The following LRFN5 variants were observed in gnomAD, a reference collection of about 807,000 sequenced individuals.
LRFN5 encodes the protein leucine-rich repeat and fibronectin type-III domain-containing protein 5.
Under a neutral mutation model 45.6 loss-of-function variants are expected in LRFN5, and 24 were observed. The ratio of observed to expected loss-of-function variants is 0.53; its 90% CI spans 0.38 to 0.74. The LOEUF (loss-of-function observed/expected upper bound fraction) is 0.74, where lower values mean the gene tolerates loss of function less well. Among genes scored for constraint, LRFN5 ranks in the 30% least tolerant of loss-of-function variants. LRFN5 has a pLI of 0.00. For synonymous variants in LRFN5, 340 were observed against 313.8 expected (o/e 1.08, Z -0.88); for missense variants, 776 against 861.5 (o/e 0.90, Z 1.24).
intron 1 of LRFN5, among the ~76,000 whole-genome samples, chr14:41,678,677 C>T (rs1416063671): frequency 2.6e-5 from 4 of 152,030 alleles, no homozygotes; most frequent in Admixed American, 6.6e-5. Flanking sequence ...AAGAGGAAAG[C>T]GAGGCAGAGC....
intron 1 of LRFN5, among the ~76,000 whole-genome samples, chr14:41,725,550 AGTT>A (rs34722438): frequency 0.25 from 38,401 of 151,990 alleles, 5,285 homozygotes; most frequent in South Asian, 0.42. Context: ...TTAATTCCAT[AGTT>A]GTTGTACCAT....
At position 41,887,218 on chromosome 14, in the gene LRFN5, C is replaced by G. The variant is rs1246086357; in HGVS notation, c.593C>G (p.Thr198Ser). Residue 198 changes from threonine (T) to serine (S), a missense_variant, in exon 3 of 6, where the codon ACT becomes AGT. Physicochemically the swap from Thr to Ser is moderately conservative, Grantham distance 58. Around this residue, in one of 2 missense-constraint regions of LRFN5, gnomAD observed 311 missense variants for 405.1 expected, o/e 0.77. Coordinates refer to ENST00000298119, the MANE Select transcript of LRFN5 (RefSeq NM_152447.5). The surrounding 1 kb of genome is among the most constrained non-coding windows in gnomAD (Gnocchi z 4.8). The part of the protein sequence containing the change: ...KGTFSHLHKM[T>S]RLDVTSNKLQ... Reference sequence around the variant, plus strand: ...ACCTTCTCCCATTTGCACAAGATGACTCGGTTAGATGTGACATCAAATAAA... The same window carrying G: ...ACCTTCTCCCATTTGCACAAGATGAGTCGGTTAGATGTGACATCAAATAAA... The G allele has an allele frequency of 3.7e-6, 6 of 1,614,150 alleles. No homozygotes were observed. Among genetic ancestry groups the G allele is most frequent in the Non-Finnish European group, 4.2e-6 (5 of 1,180,026 alleles).
intron 1 of LRFN5, among the ~76,000 whole-genome samples, chr14:41,721,846 G>T (rs1372693002): frequency 6.6e-6 from 1 of 151,964 alleles, no homozygotes; most frequent in Non-Finnish European, 1.5e-5. Flanking sequence ...TATGTGTCTT[G>T]GTGATGTATA....
intron 1 of LRFN5, among the ~76,000 whole-genome samples, chr14:41,670,742 C>T (rs1413723414): frequency 6.6e-6 from 1 of 151,822 alleles, no homozygotes; most frequent in Non-Finnish European, 1.5e-5. Context: ...CCAAATAAGA[C>T]CCAGGAAAAT....
intron 1 of LRFN5, among the ~76,000 whole-genome samples, chr14:41,757,516 A>G (rs1885457366): frequency 1.3e-5 from 2 of 152,222 alleles, no homozygotes; most frequent in South Asian, 4.1e-4. Context: ...CTGCTGTGCT[A>G]GCAATGAGTG....
chr14:41,768,869 T>G (rs1885981062), intron 2 of LRFN5, among the ~76,000 whole-genome samples: 1 of 152,172 alleles, frequency 6.6e-6, no homozygotes, highest in Non-Finnish European at 1.5e-5. Context: ...TACTAATTGC[T>G]AAAATCAAGG....
intron 2 of LRFN5, among the ~76,000 whole-genome samples, chr14:41,818,412 A>G (rs971853514): frequency 2.0e-5 from 3 of 152,078 alleles, no homozygotes; most frequent in African/African-American, 2.4e-5. Flanking sequence ...ACTGTTTTAT[A>G]TAGAGACCAT....
At chr14:41,874,645 G>A (rs1381893941) in intron 2 of LRFN5, among the ~76,000 whole-genome samples, 1 of 152,120 alleles carries the variant, frequency 6.6e-6, no homozygotes, top group Admixed American at 6.5e-5. Flanking sequence ...ACCTACAAAA[G>A]CAATGCCCTG....
intron 2 of LRFN5, among the ~76,000 whole-genome samples, chr14:41,861,445 C>A (rs1020918006): frequency 2.0e-5 from 3 of 152,144 alleles, no homozygotes; most frequent in African/African-American, 7.2e-5. Context: ...TAATACATTG[C>A]TATCATGTAT....
chr14:41,797,594 C>G (rs1887176573), intron 2 of LRFN5, among the ~76,000 whole-genome samples: 1 of 151,424 alleles, frequency 6.6e-6, no homozygotes, highest in Admixed American at 6.6e-5. Context: ...TTAGAATTTG[C>G]TAAATTTCCA....
intron 1 of LRFN5, among the ~76,000 whole-genome samples, chr14:41,610,389 T>C (rs185031226): frequency 6.6e-6 from 1 of 152,214 alleles, no homozygotes; most frequent in Admixed American, 6.5e-5. Context: ...TTTCCTAGAT[T>C]TCCATTTATT....
At chr14:41,649,413 A>G (rs186377771) in intron 1 of LRFN5, among the ~76,000 whole-genome samples, 1 of 152,256 alleles carries the variant, frequency 6.6e-6, no homozygotes, top group East Asian at 1.9e-4. Flanking sequence ...CAAAATAAAT[A>G]CTCAAATATT....
intron 1 of LRFN5, among the ~76,000 whole-genome samples, chr14:41,745,946 A>G (rs1250588489): frequency 6.6e-6 from 1 of 152,066 alleles, no homozygotes; most frequent in Admixed American, 6.6e-5. Flanking sequence ...CATTTATAGA[A>G]CTAACACTAA....
intron 2 of LRFN5, among the ~76,000 whole-genome samples, chr14:41,876,320 G>T (rs12880178): frequency 8.2e-6 from 1 of 121,816 alleles, no homozygotes; most frequent in African/African-American, 3.2e-5. Flanking sequence ...TCGCTCTGTC[G>T]CCCAGGCTGG....
intron 1 of LRFN5, among the ~76,000 whole-genome samples, chr14:41,729,163 C>A (rs1474170039): frequency 6.6e-6 from 1 of 152,104 alleles, no homozygotes; most frequent in Non-Finnish European, 1.5e-5. Flanking sequence ...GGAGGTGGAG[C>A]TTTGTGGGAG....
chr14:41,875,173 T>G (rs1247429848), intron 2 of LRFN5, among the ~76,000 whole-genome samples: 1 of 152,244 alleles, frequency 6.6e-6, no homozygotes, highest in Non-Finnish European at 1.5e-5. Context: ...TATATATGAA[T>G]TATCTCCCTC....
intron 1 of LRFN5, among the ~76,000 whole-genome samples, chr14:41,617,364 C>T (rs954839205): frequency 1.3e-5 from 2 of 152,056 alleles, no homozygotes; most frequent in East Asian, 3.9e-4. Flanking sequence ...CATGATTATA[C>T]AGCTAAGATG....
chr14:41,608,503 G>A lies in LRFN5; in HGVS notation c.-256G>A, dbSNP rs1398989737. 1.3e-5 allele frequency: 2 copies of A among 152,702 alleles called. No homozygotes were observed. The highest frequency in any genetic ancestry group is 6.5e-5 in the Admixed American group (1 of 15,288). The allele number at this position is 152,702 out of a possible 1,614,324, so 9.5% of individuals were successfully genotyped here. ...GAAAGCCACCTGGAGCCACCTTGCC[G>A]GGATTGTACCTGCAGGCAGAAAGTC... On this transcript the variant is annotated 5_prime_UTR_variant, in exon 1 of 6. Coordinates refer to ENST00000298119, the MANE Select transcript of LRFN5 (RefSeq NM_152447.5).
At chr14:41,627,756 T>C (rs993761504) in intron 1 of LRFN5, among the ~76,000 whole-genome samples, 2 of 152,204 alleles carry the variant, frequency 1.3e-5, no homozygotes, top group African/African-American at 4.8e-5. Flanking sequence ...GGGCTAATTA[T>C]GTACATGAGT....
Sources: allele counts gnomAD v4.1 joint callset (sites outside exome capture counted in the v4.1 genomes callset), GRCh38; gene constraint gnomAD v4.1.1; regional missense constraint gnomAD v4.1.1; non-coding constraint Gnocchi (gnomAD v3.1); transcripts MANE v1.5; gene names NCBI Gene and HGNC (gene_info 2026-07-23, HGNC 2026-07-21).